Variants in DGKK observed in about 807,000 individuals in gnomAD.
DGKK encodes 142 kDa diacylglycerol kinase.
In DGKK, 35 loss-of-function variants were observed where a neutral mutation model predicts 92.2. The ratio of observed to expected loss-of-function variants is 0.38; its 90% CI spans 0.29 to 0.50. The LOEUF (loss-of-function observed/expected upper bound fraction) is 0.50, where lower values mean the gene tolerates loss of function less well. DGKK is among the 20% of genes least tolerant of loss of function. DGKK has a pLI of 0.92. For missense variants in DGKK, 910 were observed against 992.2 expected, an observed-to-expected ratio of 0.92 and a Z score of 1.11; for synonymous variants, 368 against 360.6, an observed-to-expected ratio of 1.02 and a Z score of -0.23.
At chrX:50,381,241 G>A in intron 18 of DGKK, among the ~76,000 whole-genome samples, 1 of 111,667 alleles carries the variant, frequency 9.0e-6, no homozygotes, top group Non-Finnish European at 1.9e-5. Context: ...GCTGAGGCGG[G>A]CGGATTGCCT....
chrX:50,382,457 GT>G, intron 18 of DGKK, 38 bp downstream of exon 18: 1 of 973,954 alleles, frequency 1.0e-6, no homozygotes, highest in Non-Finnish European at 1.5e-6. Flanking sequence ...TATTGTGATA[GT>G]GTGTTTGCAT....
At chrX:50,378,557 G>T in intron 21 of DGKK, 21 bp downstream of exon 21, 2 of 1,161,874 alleles carry the variant, frequency 1.7e-6, no homozygotes, top group Non-Finnish European at 2.3e-6. Flanking sequence ...CCTTCCCAGT[G>T]CCCACCCAGC....
intron 8 of DGKK, among the ~76,000 whole-genome samples, chrX:50,399,800 TCTTTAATAATGA>T (rs1238613885): frequency 7.1e-5 from 8 of 111,907 alleles, no homozygotes; most frequent in Non-Finnish European, 1.5e-4. Context: ...CAGTTCCCAC[TCTTTAATAATGA>T]GTAATGGGAG....
At chrX:50,469,292 C>G (rs1033368616) in intron 1 of DGKK, among the ~76,000 whole-genome samples, 1 of 112,220 alleles carries the variant, frequency 8.9e-6, no homozygotes, top group Admixed American at 9.3e-5. Flanking sequence ...CCAGTTGCCC[C>G]GTTTGTGACG....
At chrX:50,402,147 C>A (rs782577188) in intron 7 of DGKK, among the ~76,000 whole-genome samples, 1 of 111,965 alleles carries the variant, frequency 8.9e-6, no homozygotes, top group Non-Finnish European at 1.9e-5. Context: ...GTGGCTTATG[C>A]TCATAAGTCC....
chrX:50,386,278 G>A, intron 15 of DGKK, 80 bp downstream of exon 15: 4 of 720,835 alleles, frequency 5.5e-6, no homozygotes, highest in Non-Finnish European at 8.6e-6. Context: ...GAGCAAACCC[G>A]GAGTCAGTGA....
Position 50,374,956 on chromosome X carries a change from A to AC in DGKK, c.3501+14dup, listed in dbSNP as rs781955690. The AC allele has an allele frequency of 8.4e-7, 1 of 1,196,995 alleles. No individual in the cohort carries two copies. The highest frequency in any genetic ancestry group is 1.8e-5 in the South Asian group (1 of 56,004). ...GAATACTTTGCCCTCCCAGACTCCA[A>AC]CCCCCTGCACTCACCAGCTTTTCAT... is the stretch of plus-strand genomic sequence containing the variant. On this transcript the variant is annotated intron_variant, in intron 25 of 27. Transcript: ENST00000611977.
At chrX:50,434,852 A>T (rs782210388) in intron 1 of DGKK, among the ~76,000 whole-genome samples, 1 of 112,208 alleles carries the variant, frequency 8.9e-6, no homozygotes, top group African/African-American at 3.2e-5. Context: ...GCCAAAAAGG[A>T]AGCTTGTAAA....
intron 3 of DGKK, 93 bp downstream of exon 3, chrX:50,422,353 C>A: frequency 1.4e-6 from 1 of 707,219 alleles, no homozygotes; most frequent in African/African-American, 2.2e-5. Flanking sequence ...CTTTGGAAAC[C>A]TGAAGTTCAA....
intron 9 of DGKK, 106 bp downstream of exon 9, chrX:50,393,046 C>T: frequency 1.4e-6 from 1 of 693,389 alleles, no homozygotes; most frequent in Non-Finnish European, 2.1e-6. Flanking sequence ...ATAGACCTTT[C>T]CTGCCCAAAT....
chrX:50,465,268 T>A (rs1388249436), intron 1 of DGKK, among the ~76,000 whole-genome samples: 1 of 111,091 alleles, frequency 9.0e-6, no homozygotes, highest in East Asian at 2.8e-4. Flanking sequence ...TGTTTCTTTT[T>A]TTTTCTTAAA....
chrX:50,447,331 T>TATATATATA lies in DGKK; in HGVS notation c.645+22694_645+22702dup, dbSNP rs1926340686. Among the ~76,000 whole-genome samples the TATATATATA allele has an allele frequency of 8.5e-5, 2 of 23,533 alleles. 1 individual carries two copies. The highest frequency in any genetic ancestry group is 3.1e-3 in the South Asian group (2 of 646). The allele number at this position is 23,533 out of a possible 115,157, so 20.4% of individuals were successfully genotyped here. On this transcript the variant is annotated intron_variant, in intron 1 of 27. Coordinates refer to ENST00000611977, the MANE Select transcript of DGKK (RefSeq NM_001013742.4). ...AGTAGTATGTGTGTGTGTATGTATA[T>TATATATATA]ATATATATATATTATATATATATAT...
At position 50,375,981 on chromosome X, in the gene DGKK, A is replaced by G. The variant is rs782737383; in HGVS notation, c.3414+43T>C. The G allele has an allele frequency of 5.9e-6, 7 of 1,180,890 alleles. No homozygotes were observed. The Admixed American group carries it at 1.6e-4, about 27-fold the overall frequency. ...TTCTTTCCCTTTCATCCTCTTTCCT[A>G]TCTGGTTTGACTCCTTTCCTTAATT... On this transcript the variant is annotated intron_variant, in intron 24 of 27. Transcript: ENST00000611977.
At position 50,452,085 on chromosome X, in the gene DGKK, C is replaced by T. The variant is rs1330350527; in HGVS notation, c.645+17949G>A. Among the ~76,000 whole-genome samples the T allele has an allele frequency of 2.7e-5, 3 of 111,742 alleles. No individual in the cohort carries two copies. The East Asian group carries it at 8.5e-4, about 32-fold the overall frequency. On this transcript the variant is annotated intron_variant, in intron 1 of 27. Coordinates refer to ENST00000611977, the MANE Select transcript of DGKK (RefSeq NM_001013742.4). Reference sequence around the variant, plus strand: ...ATATGTCATTTGATCCTTAGAAAAACCTTACAAGGTGGGAATTATTAGACT... The same window carrying T: ...ATATGTCATTTGATCCTTAGAAAAATCTTACAAGGTGGGAATTATTAGACT...
intron 1 of DGKK, among the ~76,000 whole-genome samples, chrX:50,440,618 T>A (rs1926148953): frequency 8.9e-6 from 1 of 111,846 alleles, no homozygotes; most frequent in Admixed American, 9.5e-5. Flanking sequence ...ATTTACTGCA[T>A]GCCTTTGGGA....
chrX:50,393,778 C>A (rs1924763935), intron 8 of DGKK, among the ~76,000 whole-genome samples: 1 of 111,737 alleles, frequency 8.9e-6, no homozygotes, highest in African/African-American at 3.3e-5. Context: ...GCCCAGGATA[C>A]CTCAGTTCTT....
chrX:50,427,670 G>A (rs1557229859), intron 1 of DGKK, among the ~76,000 whole-genome samples: 1 of 106,854 alleles, frequency 9.4e-6, no homozygotes, highest in Non-Finnish European at 1.9e-5. Context: ...GGGAAACTGG[G>A]AGGGGGTGGG....
intron 4 of DGKK, among the ~76,000 whole-genome samples, chrX:50,416,635 A>T (rs1925440578): frequency 8.9e-6 from 1 of 111,894 alleles, no homozygotes; most frequent in Non-Finnish European, 1.9e-5. Flanking sequence ...GAATTACAGA[A>T]GAGTGTTAGG....
intron 1 of DGKK, among the ~76,000 whole-genome samples, chrX:50,455,747 TA>T (rs1269829771): frequency 8.9e-6 from 1 of 111,951 alleles, no homozygotes; most frequent in African/African-American, 3.2e-5. Flanking sequence ...ATCAACCCTT[TA>T]AAGGAAAATG....
Sources: gnomAD v4.1 joint callset for allele counts (sites outside exome capture counted in the v4.1 genomes callset) on GRCh38, gnomAD v4.1.1 for gene constraint, MANE v1.5 for transcripts, NCBI Gene and HGNC (gene_info 2026-07-23, HGNC 2026-07-21) for gene names.